CACNA1B: variants seen among roughly 807,000 people sequenced by gnomAD.
CACNA1B encodes the protein calcium voltage-gated channel subunit alpha1 B.
CACNA1B carries 70 observed loss-of-function variants against 247.2 expected under a neutral mutation model. The ratio of observed to expected loss-of-function variants is 0.28; its 90% CI spans 0.23 to 0.35. The LOEUF is 0.35. Ranked by LOEUF, CACNA1B falls within the 10% of genes least tolerant of loss-of-function variation. The pLI, the probability that CACNA1B is intolerant of heterozygous loss-of-function variation, is 1.00. For missense variants in CACNA1B, 2,367 were observed against 3,197.4 expected, an observed-to-expected ratio of 0.74 and a Z score of 6.26; for synonymous variants, 1,231 against 1,294.4, an observed-to-expected ratio of 0.95 and a Z score of 1.05.
chr9:138,002,542 TC>T lies in CACNA1B; in HGVS notation c.1975-4223del, dbSNP rs1276759269. Among the ~76,000 whole-genome samples, 3 of 109,178 alleles carry T rather than the reference TC, an allele frequency of 2.7e-5. No individual in the cohort carries two copies. The East Asian group carries it at 9.6e-4, about 35-fold the overall frequency. The allele number at this position is 109,178 out of a possible 152,430, so 71.6% of individuals were successfully genotyped here. ...CTGGGCAACATAATGAAAGCCCATA[TC>T]CAAAAAAAAAAAAAAAAAAAATAGC... On this transcript the variant is annotated intron_variant, in intron 15 of 46. Coordinates refer to ENST00000371372, the MANE Select transcript of CACNA1B (RefSeq NM_000718.4).
chr9:138,088,032 A>G (rs558581520), intron 36 of CACNA1B, among the ~76,000 whole-genome samples: 9 of 152,300 alleles, frequency 5.9e-5, no homozygotes, highest in Non-Finnish European at 1.2e-4. Flanking sequence ...AACAAGAGCA[A>G]AAAGAAACAA....
intron 15 of CACNA1B, among the ~76,000 whole-genome samples, chr9:137,992,984 G>T (rs1459143167): frequency 6.6e-6 from 1 of 152,092 alleles, no homozygotes; most frequent in Non-Finnish European, 1.5e-5. Context: ...TCTTTGAACT[G>T]AACGATAATA....
Position 138,120,721 on chromosome 9 carries a change from G to A in CACNA1B, c.6329G>A (p.Arg2110Gln), listed in dbSNP as rs1307987541. The change falls in exon 46 of 47, where the codon CGG (arginine) becomes CAG (glutamine). Residue 2110 changes from arginine to glutamine, a missense_variant. By Grantham distance (43) the Arg-to-Gln change is conservative. This residue lies in a region of CACNA1B where 773 missense variants were observed against 779.4 expected (regional missense o/e 0.99). Coordinates refer to ENST00000371372, the MANE Select transcript of CACNA1B (RefSeq NM_000718.4). ...RERERRQERG[R>Q]SQERRQPSSS... ...CGAGAGCGCCGGCAGGAGCGGGGCC[G>A]GTCCCAGGAGCGGAGGCAGCCCTCA... The A allele has an allele frequency of 1.5e-5, 23 of 1,533,658 alleles. No individual in the cohort carries two copies. The highest frequency in any genetic ancestry group is 2.4e-5 in the South Asian group (2 of 81,850).
Position 138,072,882 on chromosome 9 carries a change from G to A in CACNA1B, c.4675-606G>A, listed in dbSNP as rs377462609. Among the ~76,000 whole-genome samples, 46 of 152,344 alleles carry A rather than the reference G, an allele frequency of 3.0e-4. No individual in the cohort carries two copies. In the East Asian group the frequency reaches 8.3e-3, roughly 27 times the overall value. On this transcript the variant is annotated intron_variant, in intron 32 of 46. Transcript: ENST00000371372. The surrounding 1 kb of genome is among the most constrained non-coding windows in gnomAD (Gnocchi z 4.5). Reference sequence around the variant, plus strand: ...ACCGTGAATTGCAGAGGTGGCTTCCGTGGTGTGAGCAGCAGAACACCTGTA... The same window carrying A: ...ACCGTGAATTGCAGAGGTGGCTTCCATGGTGTGAGCAGCAGAACACCTGTA...
At position 137,971,691 on chromosome 9, in the gene CACNA1B, G is replaced by T; in HGVS notation, c.1543+99G>T. 3.0e-6 allele frequency: 3 copies of T among 989,236 alleles called. No individual in the cohort carries two copies. Among genetic ancestry groups the T allele is most frequent in the Non-Finnish European group, 4.6e-6 (3 of 656,056 alleles). The allele number at this position is 989,236 out of a possible 1,614,324, so 61.3% of individuals were successfully genotyped here. Reference sequence around the variant, plus strand: ...CCTGGGGCTACCCCAGGTGGGACGGGACCCACCCCCATGTTGCTCAAAGTA... The same window carrying T: ...CCTGGGGCTACCCCAGGTGGGACGGTACCCACCCCCATGTTGCTCAAAGTA... On this transcript the variant is annotated intron_variant, in intron 11 of 46. Transcript: ENST00000371372. The surrounding 1 kb of genome is among the most constrained non-coding windows in gnomAD (Gnocchi z 4.4).
At position 138,023,766 on chromosome 9, in the gene CACNA1B, T is replaced by G. The variant is rs1335002045; in HGVS notation, c.3023T>G (p.Ile1008Arg). The change falls in exon 19 of 47, where the codon ATA becomes AGA. Residue 1008 changes from isoleucine (I) to arginine (R), a missense_variant. By Grantham distance (97) the Ile-to-Arg change is moderately conservative. Around this residue, in one of 12 missense-constraint regions of CACNA1B, gnomAD observed 631 missense variants for 631.1 expected, o/e 1.00. Coordinates refer to ENST00000371372, the MANE Select transcript of CACNA1B (RefSeq NM_000718.4). Reference sequence around the variant, plus strand: ...GAGGCCACGGAGAAGGAGGCTGAGATAGTGGAAGCCGACAAGGAAAAGGAG... The same window carrying G: ...GAGGCCACGGAGAAGGAGGCTGAGAGAGTGGAAGCCGACAAGGAAAAGGAG... ...EKEATEKEAEIVEADKEKELR... is the reference protein window; with the variant it reads ...EKEATEKEAERVEADKEKELR... The G allele has an allele frequency of 4.0e-6, 6 of 1,508,272 alleles. No homozygotes were observed. Among genetic ancestry groups the G allele is most frequent in the Middle Eastern group, 1.7e-4 (1 of 5,728 alleles). 93.4% of individuals were successfully genotyped at this position (1,508,272 alleles called of 1,614,324 possible).
chr9:137,966,874 GA>G (rs921026487), intron 10 of CACNA1B, among the ~76,000 whole-genome samples: 4 of 151,844 alleles, frequency 2.6e-5, no homozygotes, highest in African/African-American at 7.3e-5. Flanking sequence ...TTAAGAGACA[GA>G]GTTACGTTGC....
rs912315419 is a variant in CACNA1B at position 137,917,510 on chromosome 9, G to A, written c.966+79G>A. 1.2e-5 allele frequency: 15 copies of A among 1,290,780 alleles called. No individual in the cohort carries two copies. The highest frequency in any genetic ancestry group is 2.9e-5 in the African/African-American group (2 of 67,886). The allele number at this position is 1,290,780 out of a possible 1,614,324, so 80.0% of individuals were successfully genotyped here. On this transcript the variant is annotated intron_variant, in intron 6 of 46. Coordinates refer to ENST00000371372, the MANE Select transcript of CACNA1B (RefSeq NM_000718.4). The surrounding 1 kb of genome is among the most constrained non-coding windows in gnomAD (Gnocchi z 5.5). ...GGTGCCTCTGGGGGTCCATTTAGGG[G>A]GGCCCTTCTGACCTCAGAGCCTCTG...
chr9:138,059,808 C>A lies in CACNA1B; in HGVS notation c.4668+71C>A. ...CTTCTAGAGCCTGCTCCCCTCAGTG[C>A]ATCTCCAGGCCCTGTGTTAGCCTCT... On this transcript the variant is annotated intron_variant, in intron 31 of 46. Transcript: ENST00000371372. This position sits in a 1 kb window ranked among gnomAD's most constrained non-coding sequence, Gnocchi z 4.2. 1.2e-6 allele frequency: 1 copy of A among 857,480 alleles called. No homozygotes were observed. The highest frequency in any genetic ancestry group is 2.0e-6 in the Non-Finnish European group (1 of 497,444). 53.1% of individuals were successfully genotyped at this position (857,480 alleles called of 1,614,324 possible). A position where few individuals can be genotyped will look rare whatever the true frequency, so the allele number is the denominator to read the frequency against.
At chr9:138,060,790 T>C (rs1383268774) in intron 31 of CACNA1B, among the ~76,000 whole-genome samples, 1 of 152,226 alleles carries the variant, frequency 6.6e-6, no homozygotes, top group Non-Finnish European at 1.5e-5. Context: ...AGGATGGTGC[T>C]GGTCATGGTC....
intron 40 of CACNA1B, among the ~76,000 whole-genome samples, chr9:138,113,062 G>A (rs1241419247): frequency 2.2e-5 from 3 of 139,266 alleles, no homozygotes; most frequent in Admixed American, 2.1e-4. Context: ...GCACGGGGAG[G>A]TGCCCAACTC....
chr9:137,960,746 C>T (rs913505090), intron 10 of CACNA1B, among the ~76,000 whole-genome samples: 1 of 152,006 alleles, frequency 6.6e-6, no homozygotes, highest in South Asian at 2.1e-4. Context: ...CACTTCCAAC[C>T]GGGACCCCAG....
rs199667532 is a variant in CACNA1B, at chr9:138,115,627, C to T, written c.5725C>T (p.Arg1909Trp). 14 of 1,613,634 alleles carry T rather than the reference C, an allele frequency of 8.7e-6. No individual in the cohort carries two copies. The highest frequency in any genetic ancestry group is 4.0e-5 in the African/African-American group (3 of 74,922). Reference protein sequence around the residue: ...QTQPAVLRGARVFLRQKSSTS... With the variant: ...QTQPAVLRGAWVFLRQKSSTS... ...ACAGCCGGCTGTGCTCCGAGGAGCC[C>T]GGGTTTTCCTTCGACAGAAGAGTTC... Residue 1909 changes from arginine (R) to tryptophan (W), a missense_variant, in exon 42 of 47, where the codon CGG (arginine) becomes TGG (tryptophan). By Grantham distance (101) the Arg-to-Trp change is moderately radical. Coordinates refer to ENST00000371372, the MANE Select transcript of CACNA1B (RefSeq NM_000718.4).
chr9:138,079,657 C>T (rs746391235), intron 36 of CACNA1B, among the ~76,000 whole-genome samples: 5 of 149,534 alleles, frequency 3.3e-5, no homozygotes, highest in East Asian at 2.0e-4. Flanking sequence ...GCAAGAGAAT[C>T]GCTTGAACCT....
chr9:138,105,791 G>T lies in CACNA1B; in HGVS notation c.5412G>T (p.Glu1804Asp). ...TGGCCCTCATCCGGACGGCACTGGA[G>T]ATCAAGCTGGCCCCAGGTGAGCAAG... is the stretch of plus-strand genomic sequence containing the variant. ...TLMALIRTAL[E>D]IKLAPAGTKQ... Residue 1804 changes from glutamate to aspartate, a missense_variant, in exon 39 of 47, where the codon GAG becomes GAT. By Grantham distance (45) the Glu-to-Asp change is conservative (BLOSUM62 2). Transcript: ENST00000371372. 6.4e-7 allele frequency: 1 copy of T among 1,553,312 alleles called. No individual in the cohort carries two copies.
intron 6 of CACNA1B, among the ~76,000 whole-genome samples, chr9:137,946,323 T>C (rs1197058223): frequency 1.3e-5 from 2 of 152,180 alleles, no homozygotes; most frequent in Non-Finnish European, 2.9e-5. Context: ...TTATCTTTTG[T>C]CTTTACTAGC....
intron 20 of CACNA1B, among the ~76,000 whole-genome samples, chr9:138,035,028 T>A (rs1959026413): frequency 6.6e-6 from 1 of 152,240 alleles, no homozygotes. Flanking sequence ...GGTTTCATCA[T>A]GGTACTTAGA....
At chr9:138,074,364 C>A (rs534961841) in intron 34 of CACNA1B, among the ~76,000 whole-genome samples, 1 of 152,050 alleles carries the variant, frequency 6.6e-6, no homozygotes, top group African/African-American at 2.4e-5. Context: ...CTTCAGCCTC[C>A]CAAGTAGCTG....
In CACNA1B at chr9:138,122,079, C is replaced by T. The variant is rs2229949; in HGVS notation, c.*80C>T. 1,131,067 of 1,344,034 alleles carry T rather than the reference C, an allele frequency of 0.84. 481,038 individuals are homozygous for T. The highest frequency in any genetic ancestry group is 0.88 in the Middle Eastern group (3,630 of 4,138). The allele number at this position is 1,344,034 out of a possible 1,614,324, so 83.3% of individuals were successfully genotyped here. Reference sequence around the variant, plus strand: ...GAGTTTTATCATCCACACGGGGCAGCCGGCCCTCGGGGGAGGCCTTGCCCA... The same window carrying T: ...GAGTTTTATCATCCACACGGGGCAGTCGGCCCTCGGGGGAGGCCTTGCCCA... On this transcript the variant is annotated 3_prime_UTR_variant, in exon 47 of 47. Coordinates refer to ENST00000371372, the MANE Select transcript of CACNA1B (RefSeq NM_000718.4).
Sources: gnomAD v4.1 joint callset for allele counts (sites outside exome capture counted in the v4.1 genomes callset) on GRCh38, gnomAD v4.1.1 for gene constraint, gnomAD v4.1.1 regional missense constraint, Gnocchi (gnomAD v3.1) non-coding constraint, MANE v1.5 for transcripts, NCBI Gene and HGNC (gene_info 2026-07-23, HGNC 2026-07-21) for gene names.